IL1B: variants seen among roughly 807,000 people sequenced by gnomAD.
IL1B encodes interleukin 1 beta.
Under a neutral mutation model 26.2 loss-of-function variants are expected in IL1B, and 11 were observed. The observed-to-expected ratio is 0.42, with a 90% CI of 0.26 to 0.70. IL1B has a LOEUF of 0.70. Among genes scored for constraint, IL1B ranks in the 30% least tolerant of loss-of-function variants. IL1B has a pLI of 0.25. For missense variants in IL1B, 255 were observed against 327.5 expected (o/e 0.78, Z 1.71); for synonymous variants, 118 against 120.8 (o/e 0.98, Z 0.15).
rs879016138 is a variant in IL1B at position 112,835,610 on chromosome 2, C to T, written c.55G>A (p.Glu19Lys). ...TCAGCTTCAAAGAACAAGTCATCCT[C>T]ATTGCCACTGTAATAAAAACAGGGA... ...SEMMAYYSGN[E>K]DDLFFEADGP... The change falls in exon 3 of 7, where the codon GAG becomes AAG. Residue 19 changes from glutamate (E) to lysine (K), a missense_variant. Physicochemically the swap from Glu to Lys is moderately conservative, Grantham distance 56. Transcript: ENST00000263341. 17 of 1,613,404 alleles carry T rather than the reference C, an allele frequency of 1.1e-5. No individual in the cohort carries two copies. In the South Asian group the frequency reaches 1.8e-4, roughly 17 times the overall value.
In IL1B at chr2:112,830,415, C is replaced by A; in HGVS notation, c.756G>T (p.Gly252=). 1 of 1,614,090 alleles carries A rather than the reference C, an allele frequency of 6.2e-7. No homozygotes were observed. The highest frequency in any genetic ancestry group is 8.5e-7 in the Non-Finnish European group (1 of 1,180,024). ...QAENMPVFLG[G]TKGGQDITDF... is the part of the protein sequence containing the mutation. ...CAGTTATATCCTGGCCGCCTTTGGT[C>A]CCTCCCAGGAAGACGGGCATGTTTT... is the stretch of plus-strand genomic sequence containing the variant. Residue 252 remains glycine, a synonymous_variant, in exon 7 of 7, where the codon GGG becomes GGT. Coordinates refer to ENST00000263341, the MANE Select transcript of IL1B (RefSeq NM_000576.3).
At chr2:112,832,857 T>A in intron 4 of IL1B, 31 bp from the exon 5 acceptor site, 2 of 1,613,608 alleles carry the variant, frequency 1.2e-6, no homozygotes, top group Non-Finnish European at 1.7e-6. Context: ...TGTTTAGGTA[T>A]AAAATCAGAA....
At chr2:112,833,165 T>C in intron 4 of IL1B, 1 of 629,666 alleles carries the variant, frequency 1.6e-6, no homozygotes, top group South Asian at 1.8e-5. Context: ...GTGAGGGAGT[T>C]GCAAATGTCA....
chr2:112,835,740 G>A, intron 2 of IL1B, 123 bp from the exon 3 acceptor site: 1 of 834,682 alleles, frequency 1.2e-6, no homozygotes, highest in South Asian at 1.4e-5. Context: ...AAAGCTGCCT[G>A]AAACACCTGG....
Position 112,830,146 on chromosome 2 carries a change from G to A in IL1B, c.*215C>T, listed in dbSNP as rs1681952910. ...GTGAGAGAGGCCTGGCTCAACAAAA[G>A]GGCTGGGGATTGGCCCTGAAAGGAG... On this transcript the variant is annotated 3_prime_UTR_variant, in exon 7 of 7. Coordinates refer to ENST00000263341, the MANE Select transcript of IL1B (RefSeq NM_000576.3). 6 of 568,360 alleles carry A rather than the reference G, an allele frequency of 1.1e-5. No individual in the cohort carries two copies. The South Asian group carries it at 1.2e-4, about 12-fold the overall frequency. The allele number at this position is 568,360 out of a possible 1,614,324, so 35.2% of individuals were successfully genotyped here.
At chr2:112,833,027 G>A (rs1370996090) in intron 4 of IL1B, 2 of 643,824 alleles carry the variant, frequency 3.1e-6, no homozygotes, top group Non-Finnish European at 5.6e-6. Flanking sequence ...TCCAGCTTCA[G>A]GTCTATTACT....
Position 112,836,217 on chromosome 2 carries a change from G to T in IL1B, c.13C>A (p.Pro5Thr), listed in dbSNP as rs370988408. The T allele has an allele frequency of 4.8e-5, 77 of 1,613,674 alleles. No homozygotes were observed. In the Middle Eastern group the frequency reaches 9.9e-4, roughly 21 times the overall value. MAEV[P>T]ELASEMMAYY... ...GCCATCATTTCACTGGCGAGCTCAG[G>T]TACTTCTGCCATGGCTGCTTCAGAC... Residue 5 changes from proline (P) to threonine (T), a missense_variant, in exon 2 of 7, where the codon CCT becomes ACT. By Grantham distance (38) the Pro-to-Thr change is conservative (BLOSUM62 -1). Coordinates refer to ENST00000263341, the MANE Select transcript of IL1B (RefSeq NM_000576.3).
intron 3 of IL1B, 134 bp from the exon 4 acceptor site, chr2:112,833,709 C>T: frequency 2.3e-6 from 2 of 851,606 alleles, no homozygotes; most frequent in Non-Finnish European, 1.9e-6. Flanking sequence ...TCATCCCTCT[C>T]TGGGCCAGGC....
At chr2:112,836,293 A>C in intron 1 of IL1B, 49 bp from the exon 2 acceptor site, 3 of 1,359,970 alleles carry the variant, frequency 2.2e-6, no homozygotes, top group Non-Finnish European at 3.2e-6. Flanking sequence ...GGCTACGTTC[A>C]TGTGTGATTT....
In IL1B at chr2:112,832,766, G is replaced by A; in HGVS notation, c.362C>T (p.Ser121Leu). 2 of 1,614,174 alleles carry A rather than the reference G, an allele frequency of 1.2e-6. No homozygotes were observed. Among genetic ancestry groups the A allele is most frequent in the Non-Finnish European group, 1.7e-6 (2 of 1,180,006 alleles). The change falls in exon 5 of 7, where the codon TCA (serine) becomes TTA (leucine). Residue 121 changes from serine (S) to leucine (L), a missense_variant. Transcript: ENST00000263341. ...EAYVHDAPVR[S>L]LNCTLRDSQQ... ...TGAGTCCCGGAGCGTGCAGTTCAGT[G>A]ATCGTACAGGTGCATCGTGCACATA...
At chr2:112,835,689 G>C in intron 2 of IL1B, 72 bp from the exon 3 acceptor site, 1 of 1,311,738 alleles carries the variant, frequency 7.6e-7, no homozygotes, top group South Asian at 1.2e-5. Flanking sequence ...CTGTGTACAA[G>C]ACTTGACTGT....
At chr2:112,830,988 C>A in intron 6 of IL1B, 3 of 427,676 alleles carry the variant, frequency 7.0e-6, no homozygotes, top group East Asian at 1.0e-4. Flanking sequence ...GATAATGGGA[C>A]CCTTTAAGTC....
In IL1B at chr2:112,833,387, GA is replaced by G. The variant is rs774777265; in HGVS notation, c.287del (p.Phe96SerfsTer27). 1 of 1,614,092 alleles carries G rather than the reference GA, an allele frequency of 6.2e-7. No homozygotes were observed. The highest frequency in any genetic ancestry group is 1.1e-5 in the South Asian group (1 of 91,076). ...TTGGCTAACTACCTTCTTCAAAGAT[GA>G]AGGGAAAGAAGGTGCTCAGGTCATT... ...QENDLSTFFP[F>X]IFEEEPIFFD... On this transcript the variant is annotated frameshift_variant, in exon 4 of 7. Transcript: ENST00000263341. LOFTEE classifies it high-confidence loss of function.
At chr2:112,835,292 G>T (rs1682068667) in intron 3 of IL1B, 1 of 524,220 alleles carries the variant, frequency 1.9e-6, no homozygotes, top group Non-Finnish European at 3.5e-6. Context: ...TGAAGACTTG[G>T]TTGTCTTCCT....
At position 112,833,562 on chromosome 2, in the gene IL1B, T is replaced by A; in HGVS notation, c.113A>T (p.Asp38Val). ...GCCATCCAGAGGGCAGAGGTCCAGG[T>A]CCTGGAAGGAGCACTGCGGAGAGAG... is the stretch of plus-strand genomic sequence containing the variant. ...GPKQMKCSFQ[D>V]LDLCPLDGGI... is the part of the protein sequence containing the mutation. The change falls in exon 4 of 7, where the codon GAC (aspartate) becomes GTC (valine). Residue 38 changes from aspartate to valine, a missense_variant. Coordinates refer to ENST00000263341, the MANE Select transcript of IL1B (RefSeq NM_000576.3). 1 of 1,613,892 alleles carries A rather than the reference T, an allele frequency of 6.2e-7. No individual in the cohort carries two copies. Among genetic ancestry groups the A allele is most frequent in the South Asian group, 1.1e-5 (1 of 91,062 alleles).
rs762704392 is a variant in IL1B at position 112,836,208 on chromosome 2, C to T, written c.22G>A (p.Ala8Thr). 1.9e-5 allele frequency: 31 copies of T among 1,613,568 alleles called. No homozygotes were observed. Among genetic ancestry groups the T allele is most frequent in the South Asian group, 6.6e-5 (6 of 91,080 alleles). Residue 8 changes from alanine (A) to threonine (T), a missense_variant, in exon 2 of 7, where the codon GCC becomes ACC. Ala to Thr is a moderately conservative substitution (Grantham distance 58). Coordinates refer to ENST00000263341, the MANE Select transcript of IL1B (RefSeq NM_000576.3). MAEVPELASEMMAYYSGN... is the reference protein window; with the variant it reads MAEVPELTSEMMAYYSGN... ...CTGTAATAAGCCATCATTTCACTGG[C>T]GAGCTCAGGTACTTCTGCCATGGCT...
In IL1B at chr2:112,831,272, A is replaced by C. The variant is rs2104934473; in HGVS notation, c.597+20T>G. On this transcript the variant is annotated intron_variant, in intron 6 of 6. Transcript: ENST00000263341. ...GTAGCAGGAGGCTGAGAAGGGCTTC[A>C]TTCCATAGCATTCACTTACCTCCAG... 1 of 1,613,700 alleles carries C rather than the reference A, an allele frequency of 6.2e-7. No homozygotes were observed. The highest frequency in any genetic ancestry group is 2.2e-5 in the East Asian group (1 of 44,874).
In IL1B at chr2:112,832,757, C is replaced by A; in HGVS notation, c.371G>T (p.Cys124Phe). The change falls in exon 5 of 7, where the codon TGC (cysteine) becomes TTC (phenylalanine). Residue 124 changes from cysteine (C) to phenylalanine (F), a missense_variant. Coordinates refer to ENST00000263341, the MANE Select transcript of IL1B (RefSeq NM_000576.3). ...TTTTTGCTGTGAGTCCCGGAGCGTG[C>A]AGTTCAGTGATCGTACAGGTGCATC... ...VHDAPVRSLN[C>F]TLRDSQQKSL... is the part of the protein sequence containing the mutation. The A allele has an allele frequency of 6.2e-7, 1 of 1,614,138 alleles. No individual in the cohort carries two copies.
At chr2:112,833,282 G>T in intron 4 of IL1B, 92 bp downstream of exon 4, 1 of 1,240,516 alleles carries the variant, frequency 8.1e-7, no homozygotes, top group East Asian at 2.4e-5. Flanking sequence ...ACCTTTAAAG[G>T]GCTTTGGCTC....
Sources: gnomAD v4.1 joint callset for allele counts on GRCh38, gnomAD v4.1.1 for gene constraint, MANE v1.5 for transcripts, NCBI Gene and HGNC (gene_info 2026-07-23, HGNC 2026-07-21) for gene names.